CCDC144A: variants seen among roughly 807,000 people sequenced by gnomAD.
The protein encoded by CCDC144A is coiled-coil domain containing 144A, also known as coiled-coil domain-containing protein 144A.
In CCDC144A, 41 loss-of-function variants were observed where a neutral mutation model predicts 143.8. The observed-to-expected ratio is 0.29, with a 90% CI of 0.22 to 0.37. CCDC144A has a LOEUF of 0.37. CCDC144A is among the 10% of genes least tolerant of loss of function. CCDC144A has a pLI of 1.00. For synonymous variants in CCDC144A, 242 were observed against 517.9 expected (o/e 0.47, Z 7.23); for missense variants, 637 against 1,488.8 (o/e 0.43, Z 9.41).
rs1413937880 is a variant in CCDC144A at position 16,771,699 on chromosome 17, A to G, written c.4099-278A>G. 3.9e-5 allele frequency among the ~76,000 whole-genome samples: 6 copies of G among 152,374 alleles called. No individual in the cohort carries two copies. In the South Asian group the frequency reaches 1.0e-3, roughly 26 times the overall value. On this transcript the variant is annotated intron_variant, in intron 15 of 16. Coordinates refer to ENST00000399273, the MANE Select transcript of CCDC144A (RefSeq NM_001382000.1). ...CTTGAATTGTGTAACCTCTGTACTA[A>G]TAAGGGAAAACATCACACTTTTGAA...
At chr17:16,668,709 A>G in the CCDC144A span, among the ~76,000 whole-genome samples, 1 of 152,152 alleles carries the variant, frequency 6.6e-6, no homozygotes, top group Non-Finnish European at 1.5e-5. Context: ...ATGCTGTATT[A>G]GTCTACTCAG....
At chr17:16,736,392 A>G (rs71238602) in intron 12 of CCDC144A, among the ~76,000 whole-genome samples, 8 of 152,298 alleles carry the variant, frequency 5.3e-5, no homozygotes, top group African/African-American at 1.4e-4. Flanking sequence ...GATTAGAGGC[A>G]TGAGCCACTG....
At chr17:16,717,732 CTG>C (rs1389606134) in intron 6 of CCDC144A, among the ~76,000 whole-genome samples, 1 of 152,026 alleles carries the variant, frequency 6.6e-6, no homozygotes, top group Non-Finnish European at 1.5e-5. Flanking sequence ...TAATTCATAA[CTG>C]TGTTTTTTGA....
chr17:16,763,305 G>A (rs1313166846), intron 14 of CCDC144A, among the ~76,000 whole-genome samples: 1 of 151,496 alleles, frequency 6.6e-6, no homozygotes, highest in Non-Finnish European at 1.5e-5. Flanking sequence ...TTCTCCCCAA[G>A]GAAAAGTCGC....
chr17:16,728,685 C>T lies in CCDC144A; in HGVS notation c.2105+945C>T, dbSNP rs968952571. On this transcript the variant is annotated intron_variant, in intron 9 of 16. Coordinates refer to ENST00000399273, the MANE Select transcript of CCDC144A (RefSeq NM_001382000.1). ...CTGGGATTTTAGTGTGCCTATCACC[C>T]GAGTAGTACACATTGTACCTCAGTA... Among the ~76,000 whole-genome samples the T allele has an allele frequency of 1.9e-4, 29 of 152,092 alleles. 1 individual carries two copies. The highest frequency in any genetic ancestry group is 1.6e-3 in the Admixed American group (24 of 15,284).
At chr17:16,668,441 C>T in the CCDC144A span, among the ~76,000 whole-genome samples, 1 of 152,116 alleles carries the variant, frequency 6.6e-6, no homozygotes, top group Non-Finnish European at 1.5e-5. Flanking sequence ...TCATTTATGA[C>T]AGGTGAGCAT....
the CCDC144A span, among the ~76,000 whole-genome samples, chr17:16,675,715 C>T: frequency 2.6e-5 from 4 of 151,966 alleles, no homozygotes; most frequent in African/African-American, 9.7e-5. Context: ...TGGAAAAATA[C>T]ATAAAGTTGC....
In CCDC144A at chr17:16,709,198, T is replaced by C. The variant is rs762671945; in HGVS notation, c.1141T>C (p.Ser381Pro). ...CATCCATCCATACTATCATCCATAC[T>C]CTGGGTCCCAGGAACATGTTTGCCA... ...NIIHPYYHPY[S>P]GSQEHVCQSS... Residue 381 changes from serine to proline, a missense_variant, in exon 5 of 17, where the codon TCT becomes CCT. Ser to Pro is a moderately conservative substitution (Grantham distance 74, BLOSUM62 -1). Transcript: ENST00000399273. 5 of 1,611,730 alleles carry C rather than the reference T, an allele frequency of 3.1e-6. No homozygotes were observed. Among genetic ancestry groups the C allele is most frequent in the Non-Finnish European group, 4.2e-6 (5 of 1,179,664 alleles).
chr17:16,720,014 T>C (rs963181909), intron 6 of CCDC144A, among the ~76,000 whole-genome samples, 184 bp from the exon 7 acceptor site: 3 of 152,196 alleles, frequency 2.0e-5, no homozygotes, highest in Non-Finnish European at 2.9e-5. Context: ...TTTCTGTTTA[T>C]AGTTTAATGT....
At chr17:16,753,276 A>G (rs1321901784) in intron 12 of CCDC144A, among the ~76,000 whole-genome samples, 1 of 151,378 alleles carries the variant, frequency 6.6e-6, no homozygotes, top group Non-Finnish European at 1.5e-5. Context: ...TCTTCCCCTA[A>G]AAACATCAAA....
chr17:16,672,447 AAAAAAC>A, the CCDC144A span, among the ~76,000 whole-genome samples: 1 of 152,036 alleles, frequency 6.6e-6, no homozygotes, highest in Non-Finnish European at 1.5e-5. Context: ...CTCCATCTCA[AAAAAAC>A]AAAAACAAAA....
intron 6 of CCDC144A, chr17:16,712,167 A>G: frequency 4.3e-6 from 1 of 230,652 alleles, no homozygotes; most frequent in South Asian, 6.9e-5. Context: ...AAAACAAAAA[A>G]CAGGAGACAT....
rs1915976694 is a variant in CCDC144A at position 16,775,591 on chromosome 17, T to C, written c.*1958T>C. On this transcript the variant is annotated 3_prime_UTR_variant, in exon 17 of 17. Coordinates refer to ENST00000399273, the MANE Select transcript of CCDC144A (RefSeq NM_001382000.1). ...TAAATTTGTTTAAGTTCCTTGTAGA[T>C]GCTGGATATTAGACCTTTGTCAGAT... 1 of 152,258 alleles carries C rather than the reference T, an allele frequency of 6.6e-6. No homozygotes were observed. Among genetic ancestry groups the C allele is most frequent in the Non-Finnish European group, 1.5e-5 (1 of 68,058 alleles). The allele number at this position is 152,258 out of a possible 1,614,324, so 9.4% of individuals were successfully genotyped here. A position where few individuals can be genotyped will look rare whatever the true frequency, so the allele number is the denominator to read the frequency against.
the CCDC144A span, among the ~76,000 whole-genome samples, chr17:16,676,874 T>C: frequency 2.0e-5 from 3 of 152,104 alleles, no homozygotes; most frequent in African/African-American, 7.2e-5. Context: ...AAACCAAACA[T>C]ACATCTGGTT....
At chr17:16,728,825 C>G (rs549120050) in intron 9 of CCDC144A, among the ~76,000 whole-genome samples, 1 of 152,128 alleles carries the variant, frequency 6.6e-6, no homozygotes, top group Non-Finnish European at 1.5e-5. Flanking sequence ...CTATTATGAG[C>G]GAGAATGTGG....
rs1910998599 is a variant in CCDC144A at position 16,690,574 on chromosome 17, C to T, written c.174C>T (p.Val58=). 6.2e-7 allele frequency: 1 copy of T among 1,613,752 alleles called. No homozygotes were observed. Among genetic ancestry groups the T allele is most frequent in the Admixed American group, 1.7e-5 (1 of 60,010 alleles). The change falls in exon 1 of 17, where the codon GTC becomes GTT. Residue 58 remains valine (V), a synonymous_variant. Transcript: ENST00000399273. ...GFPYSWWKNS[V]GSESKHGEGA... ...CCTACAGCTGGTGGAAAAACAGCGTCGGCAGCGAGAGCAAGCACGGTGAGG... is the reference window on the plus strand; with the variant it reads ...CCTACAGCTGGTGGAAAAACAGCGTTGGCAGCGAGAGCAAGCACGGTGAGG...
At chr17:16,699,445 G>A (rs1482241268) in intron 2 of CCDC144A, among the ~76,000 whole-genome samples, 2 of 136,256 alleles carry the variant, frequency 1.5e-5, no homozygotes, top group African/African-American at 5.7e-5. Flanking sequence ...GCGCTATCTC[G>A]GCTCACTGCA....
At chr17:16,742,433 C>T (rs915543277) in intron 12 of CCDC144A, among the ~76,000 whole-genome samples, 1 of 152,188 alleles carries the variant, frequency 6.6e-6, no homozygotes, top group African/African-American at 2.4e-5. Context: ...ACATATACCA[C>T]ATTTTCTTTA....
rs1256735896 is a variant in CCDC144A at position 16,709,206 on chromosome 17, C to T, written c.1149C>T (p.Ser383=). Residue 383 remains serine, a synonymous_variant, in exon 5 of 17, where the codon TCC becomes TCT. Coordinates refer to ENST00000399273, the MANE Select transcript of CCDC144A (RefSeq NM_001382000.1). ...IHPYYHPYSG[S]QEHVCQSSSK... Reference sequence around the variant, plus strand: ...CATACTATCATCCATACTCTGGGTCCCAGGAACATGTTTGCCAGTCATCTT... The same window carrying T: ...CATACTATCATCCATACTCTGGGTCTCAGGAACATGTTTGCCAGTCATCTT... 35 of 1,611,494 alleles carry T rather than the reference C, an allele frequency of 2.2e-5. No homozygotes were observed. Among genetic ancestry groups the T allele is most frequent in the Admixed American group, 1.5e-4 (9 of 59,992 alleles).
Sources: gnomAD v4.1 joint callset for allele counts (sites outside exome capture counted in the v4.1 genomes callset) on GRCh38, gnomAD v4.1.1 for gene constraint, MANE v1.5 for transcripts, NCBI Gene and HGNC (gene_info 2026-07-23, HGNC 2026-07-21) for gene names.